The following SORCS2 variants were observed in gnomAD, a reference collection of about 807,000 sequenced individuals.
SORCS2 encodes the protein sortilin related VPS10 domain containing receptor 2, also known as VPS10 domain-containing receptor SorCS2.
Under a neutral mutation model 141.6 loss-of-function variants are expected in SORCS2, and 100 were observed. The ratio of observed to expected loss-of-function variants is 0.71; its 90% CI spans 0.60 to 0.83. SORCS2 has a LOEUF of 0.83. Ranked by LOEUF, SORCS2 falls within the 40% of genes least tolerant of loss-of-function variation. The probability of loss-of-function intolerance (pLI) is 0.00; values close to 1 mark genes in which losing one functional copy is unlikely to be tolerated. For synonymous variants in SORCS2, 789 were observed against 676.9 expected (o/e 1.17, Z -2.57); for missense variants, 1,646 against 1,560.2 (o/e 1.05, Z -0.93).
At chr4:7,271,304 C>T (rs796135286) in intron 1 of SORCS2, among the ~76,000 whole-genome samples, 69 of 152,348 alleles carry the variant, frequency 4.5e-4, no homozygotes, top group African/African-American at 1.4e-3. Context: ...TGGCCCCACA[C>T]GGCCCTAACA....
At chr4:7,676,372 A>C in intron 9 of SORCS2, 143 bp downstream of exon 9, 2 of 854,672 alleles carry the variant, frequency 2.3e-6, no homozygotes, top group South Asian at 3.7e-5. Flanking sequence ...TACACAGCCA[A>C]ATATTTTAGG....
chr4:7,647,014 G>A (rs185989863), intron 4 of SORCS2, among the ~76,000 whole-genome samples: 10 of 152,308 alleles, frequency 6.6e-5, no homozygotes, highest in East Asian at 1.9e-4. Flanking sequence ...CTGTCAGGCC[G>A]GGAGACCCGG....
At chr4:7,739,825 C>T (rs539188767) in intron 26 of SORCS2, among the ~76,000 whole-genome samples, 3 of 152,302 alleles carry the variant, frequency 2.0e-5, no homozygotes, top group South Asian at 2.1e-4. Flanking sequence ...CCTCCCGGGG[C>T]CTCGCCACTC....
At chr4:7,497,018 G>C (rs1004402445) in intron 2 of SORCS2, among the ~76,000 whole-genome samples, 1 of 152,244 alleles carries the variant, frequency 6.6e-6, no homozygotes, top group African/African-American at 2.4e-5. Flanking sequence ...ACACACGTGA[G>C]CTAATTGACT....
chr4:7,591,617 C>T (rs1437755683), intron 3 of SORCS2, among the ~76,000 whole-genome samples: 2 of 152,222 alleles, frequency 1.3e-5, no homozygotes, highest in African/African-American at 4.8e-5. Flanking sequence ...ATCTCTCTGG[C>T]TCTTGGCAGT....
chr4:7,588,992 C>T (rs1716726485), intron 3 of SORCS2, among the ~76,000 whole-genome samples: 1 of 152,132 alleles, frequency 6.6e-6, no homozygotes, highest in Non-Finnish European at 1.5e-5. Context: ...GGCTGCGGGC[C>T]CAGGGAACAG....
chr4:7,703,044 G>C (rs1725179739), intron 12 of SORCS2, among the ~76,000 whole-genome samples: 1 of 152,218 alleles, frequency 6.6e-6, no homozygotes, highest in Non-Finnish European at 1.5e-5. Flanking sequence ...CCTTGTTCAG[G>C]TCGATAGGGT....
intron 2 of SORCS2, among the ~76,000 whole-genome samples, chr4:7,494,399 A>G: frequency 6.6e-6 from 1 of 152,178 alleles, no homozygotes; most frequent in African/African-American, 2.4e-5. Context: ...GGCTTAAACA[A>G]CAGCCATTTG....
chr4:7,643,480 G>C (rs139768403), intron 4 of SORCS2, among the ~76,000 whole-genome samples: 70 of 152,282 alleles, frequency 4.6e-4, no homozygotes, highest in African/African-American at 1.6e-3. Context: ...TCCCAGCATG[G>C]TGAGAAATTG....
At chr4:7,543,453 A>G (rs4689778) in intron 3 of SORCS2, among the ~76,000 whole-genome samples, 123,870 of 135,792 alleles carry the variant, frequency 0.91, 56,120 homozygotes, top group East Asian at 0.97. Flanking sequence ...TCATCCATCC[A>G]TCCATCCATC....
At chr4:7,605,369 T>C (rs780587907) in intron 3 of SORCS2, among the ~76,000 whole-genome samples, 1 of 152,176 alleles carries the variant, frequency 6.6e-6, no homozygotes, top group Non-Finnish European at 1.5e-5. Flanking sequence ...CAGTCTCTAT[T>C]CCACATGGCT....
chr4:7,221,230 C>T (rs1000336885), intron 1 of SORCS2, among the ~76,000 whole-genome samples: 3 of 151,134 alleles, frequency 2.0e-5, no homozygotes, highest in South Asian at 2.1e-4. Flanking sequence ...AGGAGTTATT[C>T]GCAGACTTTG....
At chr4:7,410,822 C>T (rs1725252452) in intron 2 of SORCS2, among the ~76,000 whole-genome samples, 1 of 152,082 alleles carries the variant, frequency 6.6e-6, no homozygotes, top group Non-Finnish European at 1.5e-5. Context: ...TGAGGTTAGG[C>T]TCTGAGGCCT....
chr4:7,741,250 C>G lies in SORCS2; in HGVS notation c.*986C>G, dbSNP rs1181139087. 1 of 398,768 alleles carries G rather than the reference C, an allele frequency of 2.5e-6. No individual in the cohort carries two copies. Among genetic ancestry groups the G allele is most frequent in the African/African-American group, 2.1e-5 (1 of 48,592 alleles). The allele number at this position is 398,768 out of a possible 1,614,324, so 24.7% of individuals were successfully genotyped here. On this transcript the variant is annotated 3_prime_UTR_variant, in exon 27 of 27. Transcript: ENST00000507866. ...CTGGGAGAGGCTGAGGATGGCAGGG[C>G]TGGAAGGGCCATCAGCGTGACCCTC...
chr4:7,292,896 T>C (rs1283915380), intron 1 of SORCS2, among the ~76,000 whole-genome samples: 2 of 152,258 alleles, frequency 1.3e-5, no homozygotes, highest in Non-Finnish European at 2.9e-5. Context: ...CCATGCTTAT[T>C]AGAAAATACA....
In SORCS2 at chr4:7,664,028, G is replaced by A. The variant is rs545289826; in HGVS notation, c.953-325G>A. 6.6e-6 allele frequency among the ~76,000 whole-genome samples: 1 copy of A among 152,302 alleles called. No homozygotes were observed. The highest frequency in any genetic ancestry group is 2.4e-5 in the African/African-American group (1 of 41,578). The stretch of plus-strand genomic sequence containing the variant: ...CCCTGCTTAGGTGTGAGAGACTTCA[G>A]GAGGGTATGGGGGCCGTGCATGTCT... On this transcript the variant is annotated intron_variant, in intron 6 of 26. Transcript: ENST00000507866. The surrounding 1 kb of genome is among the most constrained non-coding windows in gnomAD (Gnocchi z 4.7).
chr4:7,416,192 A>T (rs1397753665), intron 2 of SORCS2, among the ~76,000 whole-genome samples: 1 of 152,098 alleles, frequency 6.6e-6, no homozygotes, highest in African/African-American at 2.4e-5. Context: ...GGATTTCAGT[A>T]AGTTAGGCTT....
chr4:7,230,258 C>G, intron 1 of SORCS2, among the ~76,000 whole-genome samples: 1 of 124,296 alleles, frequency 8.0e-6, no homozygotes, highest in African/African-American at 3.0e-5. Flanking sequence ...ATGGTCAAGT[C>G]TTCTAGTCGC....
chr4:7,687,921 C>A (rs1723976869), intron 10 of SORCS2, among the ~76,000 whole-genome samples: 2 of 152,192 alleles, frequency 1.3e-5, no homozygotes, highest in African/African-American at 4.8e-5. Context: ...CTGTCCGTTC[C>A]TGGCTCTGTA....
Sources: allele counts gnomAD v4.1 joint callset (sites outside exome capture counted in the v4.1 genomes callset), GRCh38; gene constraint gnomAD v4.1.1; non-coding constraint Gnocchi (gnomAD v3.1); transcripts MANE v1.5; gene names NCBI Gene and HGNC (gene_info 2026-07-23, HGNC 2026-07-21).